The following HRNR variants were observed in gnomAD, a reference collection of about 807,000 sequenced individuals.
HRNR encodes hornerin, also known as filaggrin family member 3.
In HRNR, 7 loss-of-function variants were observed where a neutral mutation model predicts 4.8. The observed-to-expected ratio is 1.47, with a 90% CI of 0.83 to 2.75. The LOEUF (loss-of-function observed/expected upper bound fraction) is 2.75, where lower values mean the gene tolerates loss of function less well. HRNR is among the 30% of genes most tolerant of loss of function. The pLI, the probability that HRNR is intolerant of heterozygous loss-of-function variation, is 0.00. For synonymous variants in HRNR, 1,023 were observed against 1,242.7 expected (o/e 0.82, Z 3.72); for missense variants, 2,879 against 3,010.4 (o/e 0.96, Z 1.02).
In HRNR at chr1:152,219,738, C is replaced by G; in HGVS notation, c.1891G>C (p.Gly631Arg). 1 of 1,613,550 alleles carries G rather than the reference C, an allele frequency of 6.2e-7. No individual in the cohort carries two copies. Among genetic ancestry groups the G allele is most frequent in the African/African-American group, 1.3e-5 (1 of 74,992 alleles). ...SSCGQHGATS[G>R]QSSSHGQHGS... ...TGCTGACCGTGGCTGGAAGACTGAC[C>G]TGAGGTAGCTCCATGTTGGCCACAG... Residue 631 changes from glycine to arginine, a missense_variant, in exon 3 of 3, where the codon GGT becomes CGT. Around this residue, in one of 8 missense-constraint regions of HRNR, gnomAD observed 2,646 missense variants for 1,377.7 expected, o/e 1.92. Transcript: ENST00000368801.
In HRNR at chr1:152,221,301, C is replaced by A. The variant is rs757129856; in HGVS notation, c.328G>T (p.Glu110Ter). The A allele has an allele frequency of 6.2e-7, 1 of 1,613,978 alleles. No individual in the cohort carries two copies. The highest frequency in any genetic ancestry group is 8.5e-7 in the Non-Finnish European group (1 of 1,180,010). The change falls in exon 3 of 3, where the codon GAG (glutamate) becomes TAG (stop). Residue 110 changes from glutamate to a stop codon, truncating the protein, a stop_gained. Transcript: ENST00000368801. LOFTEE classifies it low-confidence loss of function (END_TRUNC). ...KLRDDTHQHQ[E>*]EQEETEKEEN... ...TCTTTTTCAGTTTCTTCTTGTTCCT[C>A]TTGGTGCTGGTGAGTGTCATCTCTC...
At position 152,219,344 on chromosome 1, in the gene HRNR, G is replaced by T. The variant is rs977949967; in HGVS notation, c.2285C>A (p.Ser762Tyr). ...AGACCCTTGTCGGCCGTGGCCCGAA[G>T]ATTGATGGGAGCCCGACCCATGCTG... ...YGQHGSGSHQSSGHGRQGSGS... is the reference protein window; with the variant it reads ...YGQHGSGSHQYSGHGRQGSGS... Residue 762 changes from serine (S) to tyrosine (Y), a missense_variant, in exon 3 of 3, where the codon TCT becomes TAT. Around this residue, in one of 8 missense-constraint regions of HRNR, gnomAD observed 2,646 missense variants for 1,377.7 expected, o/e 1.92. Coordinates refer to ENST00000368801, the MANE Select transcript of HRNR (RefSeq NM_001009931.3). The T allele has an allele frequency of 6.2e-7, 1 of 1,613,934 alleles. No individual in the cohort carries two copies.
chr1:152,219,788 C>G lies in HRNR; in HGVS notation c.1841G>C (p.Gly614Ala), dbSNP rs1648873054. The G allele has an allele frequency of 2.5e-6, 4 of 1,612,210 alleles. No homozygotes were observed. Among genetic ancestry groups the G allele is most frequent in the Middle Eastern group, 3.3e-4 (2 of 6,046 alleles). Residue 614 changes from glycine (G) to alanine (A), a missense_variant, in exon 3 of 3, where the codon GGT becomes GCT. Gly to Ala is a moderately conservative substitution (Grantham distance 60). This residue lies in a region of HRNR where 2,646 missense variants were observed against 1,377.7 expected (regional missense o/e 1.92). Coordinates refer to ENST00000368801, the MANE Select transcript of HRNR (RefSeq NM_001009931.3). Reference sequence around the variant, plus strand: ...GCTCGATGACTGTCCTGATGTAGAACCATGTTGCCCATGGGTAGAGGAATG... The same window carrying G: ...GCTCGATGACTGTCCTGATGTAGAAGCATGTTGCCCATGGGTAGAGGAATG... ...SGHSSTHGQH[G>A]STSGQSSSCG... is the part of the protein sequence containing the mutation.
Position 152,213,258 on chromosome 1 carries a change from C to G in HRNR, c.8371G>C (p.Gly2791Arg), listed in dbSNP as rs1362194862. 8.7e-6 allele frequency: 14 copies of G among 1,605,654 alleles called. No homozygotes were observed. The highest frequency in any genetic ancestry group is 1.2e-5 in the Non-Finnish European group (14 of 1,174,638). Residue 2791 changes from glycine (G) to arginine (R), a missense_variant, in exon 3 of 3, where the codon GGC (glycine) becomes CGC (arginine). Transcript: ENST00000368801. ...QSSSYGQHGS[G>R]SGQSSGYSQH... ...CTATAACCAGAGGACTGTCCTGAGC[C>G]AGACCCATGTTGGCCGTAGCTGGAA...
Position 152,220,313 on chromosome 1 carries a change from G to T in HRNR, c.1316C>A (p.Ser439Tyr), listed in dbSNP as rs1245774700. The T allele has an allele frequency of 6.2e-7, 1 of 1,613,472 alleles. No individual in the cohort carries two copies. The highest frequency in any genetic ancestry group is 8.5e-7 in the Non-Finnish European group (1 of 1,179,622). Residue 439 changes from serine (S) to tyrosine (Y), a missense_variant, in exon 3 of 3, where the codon TCC becomes TAC. Around this residue, in one of 8 missense-constraint regions of HRNR, gnomAD observed 2,646 missense variants for 1,377.7 expected, o/e 1.92. Transcript: ENST00000368801. The stretch of plus-strand genomic sequence containing the variant: ...ACCAAAGCCAGTCCCATGTTGGCCG[G>T]AGCTGGGAGACTGCCCTGACCCAGA... ...RGSGSGQSPS[S>Y]GQHGTGFGRS... is the part of the protein sequence containing the mutation.
rs201126857 is a variant in HRNR at position 152,220,583 on chromosome 1, C to T, written c.1046G>A (p.Gly349Glu). The part of the protein sequence containing the change: ...ESGSGQTSGF[G>E]QHESGSGQSS... ...CTGTCCTGAGCCAGACTCATGTTGCCCAAAGCCAGAAGTCTGGCCTGAGCC... is the reference window on the plus strand; with the variant it reads ...CTGTCCTGAGCCAGACTCATGTTGCTCAAAGCCAGAAGTCTGGCCTGAGCC... The change falls in exon 3 of 3, where the codon GGG (glycine) becomes GAG (glutamate). Residue 349 changes from glycine (G) to glutamate (E), a missense_variant. By Grantham distance (98) the Gly-to-Glu change is moderately conservative. This residue lies in a region of HRNR where 2,646 missense variants were observed against 1,377.7 expected (regional missense o/e 1.92). Coordinates refer to ENST00000368801, the MANE Select transcript of HRNR (RefSeq NM_001009931.3). 4 of 1,608,054 alleles carry T rather than the reference C, an allele frequency of 2.5e-6. No homozygotes were observed. Among genetic ancestry groups the T allele is most frequent in the Non-Finnish European group, 3.4e-6 (4 of 1,175,722 alleles).
rs565962724 is a variant in HRNR at position 152,219,928 on chromosome 1, C to G, written c.1701G>C (p.Arg567Ser). The change falls in exon 3 of 3, where the codon AGG becomes AGC. Residue 567 changes from arginine (R) to serine (S), a missense_variant. Arg to Ser is a moderately radical substitution (Grantham distance 110, BLOSUM62 -1). Around this residue, in one of 8 missense-constraint regions of HRNR, gnomAD observed 2,646 missense variants for 1,377.7 expected, o/e 1.92. Coordinates refer to ENST00000368801, the MANE Select transcript of HRNR (RefSeq NM_001009931.3). ...SYGPHGYGSG[R>S]SSSRGPYESG... ...ACTCATATGGGCCACGGCTTGAAGA[C>G]CTCCCTGAGCCATACCCATGTGGGC... 3.2e-5 allele frequency: 51 copies of G among 1,612,586 alleles called. No homozygotes were observed. Among genetic ancestry groups the G allele is most frequent in the Middle Eastern group, 3.3e-4 (2 of 6,074 alleles).
At position 152,219,213 on chromosome 1, in the gene HRNR, G is replaced by T. The variant is rs1284854242; in HGVS notation, c.2416C>A (p.His806Asn). 1.9e-6 allele frequency: 3 copies of T among 1,613,866 alleles called. No individual in the cohort carries two copies. Among genetic ancestry groups the T allele is most frequent in the Non-Finnish European group, 2.5e-6 (3 of 1,179,922 alleles). ...GCCTGGCCTGAGCCAGACTCATAATGGCCACAGCTGGAAGAACAACTTGTG... is the reference window on the plus strand; with the variant it reads ...GCCTGGCCTGAGCCAGACTCATAATTGCCACAGCTGGAAGAACAACTTGTG... ...SGTSCSSSCG[H>N]YESGSGQASG... Residue 806 changes from histidine to asparagine, a missense_variant, in exon 3 of 3, where the codon CAT (histidine) becomes AAT (asparagine). Physicochemically the swap from His to Asn is moderately conservative, Grantham distance 68. Transcript: ENST00000368801.
chr1:152,218,622 A>T lies in HRNR; in HGVS notation c.3007T>A (p.Ser1003Thr). 1 of 1,613,602 alleles carries T rather than the reference A, an allele frequency of 6.2e-7. No individual in the cohort carries two copies. The highest frequency in any genetic ancestry group is 8.5e-7 in the Non-Finnish European group (1 of 1,179,968). Residue 1003 changes from serine to threonine, a missense_variant, in exon 3 of 3, where the codon TCT becomes ACT. This residue lies in a region of HRNR where 2,646 missense variants were observed against 1,377.7 expected (regional missense o/e 1.92). Coordinates refer to ENST00000368801, the MANE Select transcript of HRNR (RefSeq NM_001009931.3). ...SLGHGQHGSG[S>T]GQSPSPSRGR... is the part of the protein sequence containing the mutation. ...CGGCTAGGGCTAGGAGACTGGCCAG[A>T]TCCAGACCCATGTTGGCCGTGGCCC...
chr1:152,221,804 C>T (rs906927185), intron 2 of HRNR, among the ~76,000 whole-genome samples: 2 of 151,900 alleles, frequency 1.3e-5, no homozygotes, highest in African/African-American at 2.4e-5. Flanking sequence ...GTTTTTATAC[C>T]TACATTAATT....
rs1448782188 is a variant in HRNR, at chr1:152,220,743, G to A, written c.886C>T (p.His296Tyr). 1 of 1,614,022 alleles carries A rather than the reference G, an allele frequency of 6.2e-7. No homozygotes were observed. Among genetic ancestry groups the A allele is most frequent in the Non-Finnish European group, 8.5e-7 (1 of 1,180,012 alleles). Residue 296 changes from histidine to tyrosine, a missense_variant, in exon 3 of 3, where the codon CAC becomes TAC. Around this residue, in one of 8 missense-constraint regions of HRNR, gnomAD observed 2,646 missense variants for 1,377.7 expected, o/e 1.92. Coordinates refer to ENST00000368801, the MANE Select transcript of HRNR (RefSeq NM_001009931.3). ...CGAGATCCAGACCCTTGTCGGCCGT[G>A]GCCCAAAGACTGACGGGAACCAGAC... is the stretch of plus-strand genomic sequence containing the variant. ...HGSGSRQSLG[H>Y]GRQGSGSRQS...
chr1:152,218,684 C>A lies in HRNR; in HGVS notation c.2945G>T (p.Ser982Ile). 1 of 1,613,904 alleles carries A rather than the reference C, an allele frequency of 6.2e-7. No homozygotes were observed. Among genetic ancestry groups the A allele is most frequent in the African/African-American group, 1.3e-5 (1 of 74,924 alleles). Residue 982 changes from serine to isoleucine, a missense_variant, in exon 3 of 3, where the codon AGC (serine) becomes ATC (isoleucine). Physicochemically the swap from Ser to Ile is moderately radical, Grantham distance 142. Transcript: ENST00000368801. The stretch of plus-strand genomic sequence containing the variant: ...GGAGCCAGACCCATGCTGACCATAG[C>A]TGGAAGACGAACCTGAGCTAGATCC... ...QHGSSSGSSS[S>I]YGQHGSGSRQ...
Position 152,219,523 on chromosome 1 carries a change from A to T in HRNR, c.2106T>A (p.Gly702=), listed in dbSNP as rs773315243. ...GSVSGQSSGF[G]HKSGSGQSSG... ...AGGACTGCCCTGAGCCAGACTTGTGACCAAAGCCGGAAGACTGGCCTGAGA... is the reference window on the plus strand; with the variant it reads ...AGGACTGCCCTGAGCCAGACTTGTGTCCAAAGCCGGAAGACTGGCCTGAGA... Residue 702 remains glycine (G), a synonymous_variant, in exon 3 of 3, where the codon GGT becomes GGA. Coordinates refer to ENST00000368801, the MANE Select transcript of HRNR (RefSeq NM_001009931.3). 1.8e-5 allele frequency: 29 copies of T among 1,612,406 alleles called. No homozygotes were observed. The highest frequency in any genetic ancestry group is 2.4e-5 in the Non-Finnish European group (28 of 1,179,580).
At position 152,212,827 on chromosome 1, in the gene HRNR, C is replaced by A; in HGVS notation, c.*249G>T. The A allele has an allele frequency of 1.8e-6, 1 of 560,414 alleles. No homozygotes were observed. The allele number at this position is 560,414 out of a possible 1,614,324, so 34.7% of individuals were successfully genotyped here. A position where few individuals can be genotyped will look rare whatever the true frequency, so the allele number is the denominator to read the frequency against. Reference sequence around the variant, plus strand: ...TTTTCATTATTCCTCAAAGTTTAACCCTCATTCTAACAAGTTATTCCACTC... The same window carrying A: ...TTTTCATTATTCCTCAAAGTTTAACACTCATTCTAACAAGTTATTCCACTC... On this transcript the variant is annotated 3_prime_UTR_variant, in exon 3 of 3. Coordinates refer to ENST00000368801, the MANE Select transcript of HRNR (RefSeq NM_001009931.3).
At position 152,221,496 on chromosome 1, in the gene HRNR, T is replaced by G. The variant is rs757782754; in HGVS notation, c.139-6A>C. 18 of 1,582,216 alleles carry G rather than the reference T, an allele frequency of 1.1e-5. No homozygotes were observed. The highest frequency in any genetic ancestry group is 1.5e-5 in the Non-Finnish European group (17 of 1,162,910). On this transcript the variant is annotated splice_polypyrimidine_tract_variant and splice_region_variant and intron_variant, in intron 2 of 2. Coordinates refer to ENST00000368801, the MANE Select transcript of HRNR (RefSeq NM_001009931.3). ...GTATCTGGATCGTTTGGATTCTGTA[T>G]AAGAGAAAGGTACAAAGAGTAGCTC...
chr1:152,221,875 A>G (rs1649015243), intron 2 of HRNR, among the ~76,000 whole-genome samples: 1 of 152,214 alleles, frequency 6.6e-6, no homozygotes, highest in African/African-American at 2.4e-5. Context: ...CTGAACAAAG[A>G]TTTATTATTT....
Position 152,220,080 on chromosome 1 carries a change from A to G in HRNR, c.1549T>C (p.Tyr517His). 6.2e-7 allele frequency: 1 copy of G among 1,613,670 alleles called. No homozygotes were observed. The highest frequency in any genetic ancestry group is 8.5e-7 in the Non-Finnish European group (1 of 1,179,760). The change falls in exon 3 of 3, where the codon TAT (tyrosine) becomes CAT (histidine). Residue 517 changes from tyrosine to histidine, a missense_variant. Physicochemically the swap from Tyr to His is moderately conservative, Grantham distance 83. Transcript: ENST00000368801. ...CGGGAGCCAGACCCATGCTGACCAT[A>G]GCTGGAAGATGAACCTGCACTAGAT... ...QGSSAGSSSS[Y>H]GQHGSGSRQS... is the part of the protein sequence containing the mutation.
rs764802435 is a variant in HRNR, at chr1:152,219,086, G to T, written c.2543C>A (p.Ser848Ter). ...FSSQGRHGST[S>*]GQSSSSGQHD... is the part of the protein sequence containing the mutation. ...TTGGCCGGAGCTTGATGACTGCCCT[G>T]ACGTAGATCCATGTCGTCCCTGGCT... The change falls in exon 3 of 3, where the codon TCA becomes TAA. Residue 848 changes from serine to a stop codon, truncating the protein, a stop_gained. Transcript: ENST00000368801. LOFTEE classifies it low-confidence loss of function (END_TRUNC). The T allele has an allele frequency of 6.2e-7, 1 of 1,613,714 alleles. No individual in the cohort carries two copies. Among genetic ancestry groups the T allele is most frequent in the Non-Finnish European group, 8.5e-7 (1 of 1,180,000 alleles).
Position 152,220,963 on chromosome 1 carries a change from C to A in HRNR, c.666G>T (p.Gly222=). 1 of 1,614,124 alleles carries A rather than the reference C, an allele frequency of 6.2e-7. No homozygotes were observed. The highest frequency in any genetic ancestry group is 8.5e-7 in the Non-Finnish European group (1 of 1,180,018). ...SGQSSSNDTH[G]SGSGQSSGFS... is the part of the protein sequence containing the mutation. ...AGCCAGAAGACTGGCCTGAGCCAGACCCATGTGTGTCATTGCTGGAAGACT... is the reference window on the plus strand; with the variant it reads ...AGCCAGAAGACTGGCCTGAGCCAGAACCATGTGTGTCATTGCTGGAAGACT... The change falls in exon 3 of 3, where the codon GGG becomes GGT. Residue 222 remains glycine (G), a synonymous_variant. Coordinates refer to ENST00000368801, the MANE Select transcript of HRNR (RefSeq NM_001009931.3).
Sources: gnomAD v4.1 joint callset for allele counts (sites outside exome capture counted in the v4.1 genomes callset) on GRCh38, gnomAD v4.1.1 for gene constraint, gnomAD v4.1.1 regional missense constraint, MANE v1.5 for transcripts, NCBI Gene and HGNC (gene_info 2026-07-23, HGNC 2026-07-21) for gene names.